ABCB11: variants seen among roughly 807,000 people sequenced by gnomAD.
ABCB11 encodes bile salt export pump.
Under a neutral mutation model 148.0 loss-of-function variants are expected in ABCB11, and 95 were observed. That is an observed-to-expected ratio of 0.64 (90% CI 0.54 to 0.76). ABCB11 has a LOEUF of 0.76. ABCB11 is among the 30% of genes least tolerant of loss of function. The probability of loss-of-function intolerance (pLI) is 0.00; values close to 1 mark genes in which losing one functional copy is unlikely to be tolerated. For missense variants in ABCB11, 1,523 were observed against 1,617.8 expected (o/e 0.94, Z 1.01); for synonymous variants, 591 against 555.4 (o/e 1.06, Z -0.90).
At chr2:168,919,271 T>C (rs1428124156), downstream of ABCB11, among the ~76,000 whole-genome samples, 1 of 152,338 alleles carries the variant, frequency 6.6e-6, no homozygotes, top group East Asian at 1.9e-4. Flanking sequence ...ATATTTTCTT[T>C]TTGTGTAACT....
chr2:168,991,639 CCA>C (rs1694528108), intron 8 of ABCB11, among the ~76,000 whole-genome samples: 1 of 151,774 alleles, frequency 6.6e-6, no homozygotes, highest in South Asian at 2.1e-4. Flanking sequence ...TATATAATAC[CCA>C]GATTAAGGGA....
chr2:168,940,668 T>C (rs577675657), intron 21 of ABCB11, among the ~76,000 whole-genome samples: 2 of 152,234 alleles, frequency 1.3e-5, no homozygotes, highest in South Asian at 2.1e-4. Flanking sequence ...ATAACATATT[T>C]TCCGTGTTGA....
At chr2:168,916,668 C>T (rs1690946815), downstream of ABCB11, among the ~76,000 whole-genome samples, 1 of 152,204 alleles carries the variant, frequency 6.6e-6, no homozygotes, top group East Asian at 1.9e-4. Context: ...CCTGCCGTCT[C>T]ACATGCAGGT....
chr2:169,030,788 C>A (rs1695844066), intron 1 of ABCB11, among the ~76,000 whole-genome samples: 1 of 152,054 alleles, frequency 6.6e-6, no homozygotes, highest in South Asian at 2.1e-4. Context: ...AAGATAAAGT[C>A]GGTGTAGTTC....
downstream of ABCB11, among the ~76,000 whole-genome samples, chr2:168,915,881 A>G (rs530777302): frequency 6.6e-6 from 1 of 152,334 alleles, no homozygotes; most frequent in South Asian, 2.1e-4. Context: ...AGAGGAAAGC[A>G]AAAGAAAAGC....
At chr2:168,963,489 G>A (rs963813507) in intron 18 of ABCB11, among the ~76,000 whole-genome samples, 26 of 151,862 alleles carry the variant, frequency 1.7e-4, no homozygotes, top group African/African-American at 6.3e-4. Context: ...AAGGCTTGGA[G>A]GAGAATGGGT....
At chr2:168,986,377 A>T in intron 9 of ABCB11, 93 bp from the exon 10 acceptor site, 1 of 1,082,340 alleles carries the variant, frequency 9.2e-7, no homozygotes. Flanking sequence ...TTACAAAATG[A>T]TCATAAAATC....
At position 168,970,112 on chromosome 2, in the gene ABCB11, A is replaced by T; in HGVS notation, c.1742T>A (p.Leu581His). The T allele has an allele frequency of 1.2e-6, 2 of 1,613,010 alleles. No homozygotes were observed. Among genetic ancestry groups the T allele is most frequent in the Non-Finnish European group, 1.7e-6 (2 of 1,179,308 alleles). The stretch of plus-strand genomic sequence containing the variant: ...CAGAGCTGAGGTGGCCATGTCCAAA[A>T]GCAGAATCTTGGGATTTCGGATGAG... ...RALIRNPKIL[L>H]LDMATSALDN... The change falls in exon 15 of 28, where the codon CTT becomes CAT. Residue 581 changes from leucine (L) to histidine (H), a missense_variant. Transcript: ENST00000650372.
intron 5 of ABCB11, among the ~76,000 whole-genome samples, chr2:169,003,885 G>T (rs1407288133): frequency 1.3e-5 from 2 of 152,130 alleles, no homozygotes; most frequent in Non-Finnish European, 2.9e-5. Context: ...GTCTGGAAAA[G>T]ACTATATCTT....
intron 5 of ABCB11, among the ~76,000 whole-genome samples, chr2:169,002,160 G>C (rs1694895605): frequency 6.6e-6 from 1 of 152,074 alleles, no homozygotes. Flanking sequence ...CTTGTTACTA[G>C]AGATAAAAAT....
At chr2:169,020,252 T>C (rs984889925) in intron 1 of ABCB11, among the ~76,000 whole-genome samples, 1 of 152,174 alleles carries the variant, frequency 6.6e-6, no homozygotes, top group African/African-American at 2.4e-5. Flanking sequence ...ATTAAATATA[T>C]GTTTGATTAA....
intron 3 of ABCB11, 75 bp downstream of exon 3, chr2:169,016,702 CT>C (rs1335378234): frequency 6.5e-6 from 8 of 1,232,834 alleles, no homozygotes; most frequent in Non-Finnish European, 9.4e-6. Context: ...AAAGTATTCT[CT>C]GCTTTGTGCC....
chr2:168,976,070 C>T (rs1574458227), intron 12 of ABCB11, among the ~76,000 whole-genome samples: 1 of 152,024 alleles, frequency 6.6e-6, no homozygotes, highest in East Asian at 1.9e-4. Context: ...GACACGTGAG[C>T]ATAATATCAC....
chr2:168,979,756 C>T (rs977225758), intron 11 of ABCB11, 110 bp downstream of exon 11: 19 of 486,098 alleles, frequency 3.9e-5, no homozygotes, highest in Middle Eastern at 3.2e-4. Context: ...AAGGGCCTTG[C>T]GATAGCTTCT....
intron 6 of ABCB11, 128 bp from the exon 7 acceptor site, chr2:168,995,610 T>G (rs1158420153): frequency 1.0e-6 from 1 of 980,400 alleles, no homozygotes; most frequent in Admixed American, 2.9e-5. Flanking sequence ...AAATGCCTCT[T>G]CTTGGGAACT....
chr2:168,945,236 A>G (rs1258322606), intron 19 of ABCB11, among the ~76,000 whole-genome samples: 1 of 151,704 alleles, frequency 6.6e-6, no homozygotes, highest in Non-Finnish European at 1.5e-5. Flanking sequence ...TATATGGGAA[A>G]TCTCTGTACC....
At chr2:168,964,671 A>G (rs1693222787) in intron 17 of ABCB11, among the ~76,000 whole-genome samples, 1 of 151,722 alleles carries the variant, frequency 6.6e-6, no homozygotes. Flanking sequence ...GCAACAGTCT[A>G]TTTCCTTTAC....
chr2:168,941,571 C>T (rs1692060264), intron 21 of ABCB11, among the ~76,000 whole-genome samples: 1 of 152,066 alleles, frequency 6.6e-6, no homozygotes, highest in South Asian at 2.1e-4. Context: ...GATAAGCAAA[C>T]TGGTTTCTTG....
chr2:168,961,773 T>C (rs1574436304), intron 18 of ABCB11, among the ~76,000 whole-genome samples: 1 of 151,714 alleles, frequency 6.6e-6, no homozygotes, highest in East Asian at 2.0e-4. Context: ...AAGCACAGAC[T>C]TCTCAGGAAA....
Sources: allele counts gnomAD v4.1 joint callset (sites outside exome capture counted in the v4.1 genomes callset), GRCh38; gene constraint gnomAD v4.1.1; transcripts MANE v1.5; gene names NCBI Gene and HGNC (gene_info 2026-07-23, HGNC 2026-07-21).